WAC: variants seen among roughly 807,000 people sequenced by gnomAD.
WAC encodes the protein WW domain-containing adapter protein with coiled-coil.
In WAC, 11 loss-of-function variants were observed where a neutral mutation model predicts 79.6. The ratio of observed to expected loss-of-function variants is 0.14; its 90% CI spans 0.09 to 0.23. The LOEUF (loss-of-function observed/expected upper bound fraction) is 0.23, where lower values mean the gene tolerates loss of function less well. WAC is among the 10% of genes least tolerant of loss of function. WAC has a pLI of 1.00. For synonymous variants in WAC, 304 were observed against 276.9 expected (o/e 1.10, Z -0.97); for missense variants, 728 against 773.5 (o/e 0.94, Z 0.70).
chr10:28,579,893 T>G (rs928344298), intron 3 of WAC, among the ~76,000 whole-genome samples: 1 of 152,230 alleles, frequency 6.6e-6, no homozygotes, highest in African/African-American at 2.4e-5. Flanking sequence ...AAGGGCATCT[T>G]TCTAGTTGGA....
chr10:28,534,120 C>T (rs1836474354), intron 2 of WAC, 86 bp downstream of exon 2: 1 of 1,309,808 alleles, frequency 7.6e-7, no homozygotes, highest in Non-Finnish European at 1.0e-6. Context: ...CCTCAGAAGT[C>T]GATACAGGCC....
At chr10:28,565,631 T>C (rs1165222162) in intron 3 of WAC, among the ~76,000 whole-genome samples, 1 of 152,252 alleles carries the variant, frequency 6.6e-6, no homozygotes, top group Admixed American at 6.5e-5. Context: ...TTACTGTTTT[T>C]ATCTGTTGTC....
intron 3 of WAC, among the ~76,000 whole-genome samples, chr10:28,573,755 G>A (rs1238854513): frequency 6.6e-6 from 1 of 152,126 alleles, no homozygotes; most frequent in African/African-American, 2.4e-5. Context: ...CATTTGAAGT[G>A]TATAGTTCAC....
chr10:28,591,504 T>C (rs1840080986), intron 6 of WAC: 1 of 152,226 alleles, frequency 6.6e-6, no homozygotes, highest in Non-Finnish European at 1.5e-5. Flanking sequence ...ATTTTGTAAT[T>C]CATTCTCCAA....
chr10:28,554,916 A>T (rs1175310612), intron 3 of WAC, among the ~76,000 whole-genome samples: 1 of 152,128 alleles, frequency 6.6e-6, no homozygotes, highest in African/African-American at 2.4e-5. Flanking sequence ...TCAGGCTTCA[A>T]CTTAAAAGTT....
chr10:28,605,871 T>C (rs1346072825), intron 7 of WAC, among the ~76,000 whole-genome samples: 1 of 152,162 alleles, frequency 6.6e-6, no homozygotes, highest in Non-Finnish European at 1.5e-5. Context: ...CAGGGGGATA[T>C]TAATACTAGT....
intron 7 of WAC, among the ~76,000 whole-genome samples, chr10:28,607,867 T>C (rs769659767): frequency 5.3e-5 from 8 of 152,240 alleles, no homozygotes; most frequent in Non-Finnish European, 8.8e-5. Flanking sequence ...TAATAAATAA[T>C]TATCTTTGAG....
At chr10:28,582,956 A>T (rs762003170) in intron 3 of WAC, among the ~76,000 whole-genome samples, 6 of 152,190 alleles carry the variant, frequency 3.9e-5, no homozygotes, top group Non-Finnish European at 7.4e-5. Context: ...TTAAAAGGCA[A>T]ATAGGGGAAA....
At chr10:28,539,558 G>A (rs1836886463) in intron 3 of WAC, among the ~76,000 whole-genome samples, 1 of 96,316 alleles carries the variant, frequency 1.0e-5, no homozygotes. Context: ...ACAATCGTTA[G>A]GGTTTGTTTT....
intron 5 of WAC, 58 bp from the exon 6 acceptor site, chr10:28,590,662 A>G: frequency 7.0e-7 from 1 of 1,424,250 alleles, no homozygotes; most frequent in African/African-American, 1.4e-5. Flanking sequence ...GCTGTTTAGT[A>G]TGGAAACTCA....
intron 3 of WAC, among the ~76,000 whole-genome samples, chr10:28,582,524 T>C (rs1839591309): frequency 6.6e-6 from 1 of 152,324 alleles, no homozygotes; most frequent in Admixed American, 6.5e-5. Context: ...TTTGCACTTC[T>C]AGTTTTTGTT....
intron 3 of WAC, among the ~76,000 whole-genome samples, chr10:28,550,717 T>C (rs964790844): frequency 6.6e-6 from 1 of 152,238 alleles, no homozygotes; most frequent in African/African-American, 2.4e-5. Flanking sequence ...AGAGTTCCTA[T>C]AGTGTTTGAA....
chr10:28,606,543 C>G (rs1047586612), intron 7 of WAC, among the ~76,000 whole-genome samples: 69 of 143,150 alleles, frequency 4.8e-4, no homozygotes, highest in African/African-American at 1.8e-3. Flanking sequence ...TTGAAATGTA[C>G]TTAAATCAGC....
chr10:28,622,426 C>T lies in WAC; in HGVS notation c.*2820C>T, dbSNP rs1841726182. 4.3e-4 allele frequency: 1 copy of T among 2,300 alleles called. No individual in the cohort carries two copies. Among genetic ancestry groups the T allele is most frequent in the African/African-American group, 2.1e-3 (1 of 474 alleles). The allele number at this position is 2,300 out of a possible 1,614,324, so 0.1% of individuals were successfully genotyped here. On this transcript the variant is annotated 3_prime_UTR_variant, in exon 14 of 14. Coordinates refer to ENST00000354911, the MANE Select transcript of WAC (RefSeq NM_016628.5). ...CTTGAGTGGCCTTTCCCTCCCCCTG[C>T]CCCCCCCCCCCCCCCCCCGTTTTAA...
At chr10:28,563,337 G>C (rs1007393897) in intron 3 of WAC, among the ~76,000 whole-genome samples, 4 of 152,130 alleles carry the variant, frequency 2.6e-5, no homozygotes, top group African/African-American at 9.7e-5. Flanking sequence ...TGTTCTAGGA[G>C]GTAGAACAAG....
intron 8 of WAC, among the ~76,000 whole-genome samples, chr10:28,610,370 A>G (rs1314371124): frequency 1.3e-5 from 2 of 152,166 alleles, no homozygotes; most frequent in East Asian, 1.9e-4. Context: ...GAACACTCAC[A>G]TATGAATAGG....
chr10:28,574,109 T>C (rs1251497006), intron 3 of WAC, among the ~76,000 whole-genome samples: 1 of 130,998 alleles, frequency 7.6e-6, no homozygotes, highest in Non-Finnish European at 1.6e-5. Context: ...TGGTAAACAT[T>C]TGGTTTTTAT....
chr10:28,564,730 T>G (rs1412824985), intron 3 of WAC, among the ~76,000 whole-genome samples: 8 of 152,228 alleles, frequency 5.3e-5, no homozygotes, highest in Admixed American at 3.3e-4. Context: ...AGAAATTCAG[T>G]ATACCCTTCA....
intron 8 of WAC, among the ~76,000 whole-genome samples, chr10:28,608,764 C>T (rs1408515107): frequency 3.3e-5 from 5 of 151,972 alleles, no homozygotes; most frequent in Admixed American, 6.6e-5. Context: ...TTGTTGAAAT[C>T]GGTATTAAAA....
Sources: gnomAD v4.1 joint callset for allele counts (sites outside exome capture counted in the v4.1 genomes callset) on GRCh38, gnomAD v4.1.1 for gene constraint, MANE v1.5 for transcripts, NCBI Gene and HGNC (gene_info 2026-07-23, HGNC 2026-07-21) for gene names.